NEK5: variants seen among roughly 807,000 people sequenced by gnomAD.
NEK5 encodes NIMA related kinase 5.
A neutral mutation model predicts 109.2 loss-of-function variants in NEK5; 88 were observed. The ratio of observed to expected loss-of-function variants is 0.81; its 90% CI spans 0.68 to 0.96. The LOEUF is 0.96. NEK5 is among the 40% of genes least tolerant of loss of function. The pLI, the probability that NEK5 is intolerant of heterozygous loss-of-function variation, is 0.00. For synonymous variants in NEK5, 283 were observed against 299.9 expected (o/e 0.94, Z 0.58); for missense variants, 834 against 920.7 (o/e 0.91, Z 1.22).
At chr13:52,062,834 G>T (rs547676331) in intron 21 of NEK5, among the ~76,000 whole-genome samples, 1 of 151,964 alleles carries the variant, frequency 6.6e-6, no homozygotes, top group African/African-American at 2.4e-5. Flanking sequence ...TAGCACATTG[G>T]CTTCAAAGCA....
intron 21 of NEK5, among the ~76,000 whole-genome samples, chr13:52,063,062 G>T (rs371534975): frequency 6.7e-6 from 1 of 148,484 alleles, no homozygotes; most frequent in Admixed American, 6.7e-5. Context: ...CTCTCCCCAC[G>T]GTCCCCCTCT....
At chr13:52,065,862 C>G (rs985170729) in intron 20 of NEK5, among the ~76,000 whole-genome samples, 5 of 152,230 alleles carry the variant, frequency 3.3e-5, no homozygotes, top group African/African-American at 1.2e-4. Flanking sequence ...CACAAATGGA[C>G]TTCCTTGAGG....
chr13:52,080,914 G>A (rs1483622218), intron 17 of NEK5, among the ~76,000 whole-genome samples: 3 of 145,964 alleles, frequency 2.1e-5, no homozygotes, highest in Admixed American at 2.1e-4. Context: ...AAATGGTTAG[G>A]GTGGTAAAGG....
In NEK5 at chr13:52,101,956, C is replaced by T. The variant is rs556430126; in HGVS notation, c.869G>A (p.Arg290Gln). 1.2e-5 allele frequency: 19 copies of T among 1,614,018 alleles called. No homozygotes were observed. The African/African-American group carries it at 1.2e-4, about 10-fold the overall frequency. ...LICRAGAPAS[R>Q]HAGKVVQKCK... ...ACTCTGGACCACCTTCCCAGCATGTCGAGAAGCTGGCGCTCCTGCTCTGCA... is the reference window on the plus strand; with the variant it reads ...ACTCTGGACCACCTTCCCAGCATGTTGAGAAGCTGGCGCTCCTGCTCTGCA... The change falls in exon 11 of 24, where the codon CGA (arginine) becomes CAA (glutamine). Residue 290 changes from arginine (R) to glutamine (Q), a missense_variant. Arg to Gln is a conservative substitution (Grantham distance 43). Coordinates refer to ENST00000684899, the MANE Select transcript of NEK5 (RefSeq NM_001365552.1).
At chr13:52,114,440 C>T (rs979399973) in intron 4 of NEK5, among the ~76,000 whole-genome samples, 5 of 152,232 alleles carry the variant, frequency 3.3e-5, no homozygotes, top group Admixed American at 1.3e-4. Context: ...CCCTTGGTTG[C>T]TTCTAATTCA....
intron 21 of NEK5, chr13:52,065,250 T>C: frequency 1.7e-6 from 1 of 586,786 alleles, no homozygotes; most frequent in South Asian, 2.3e-5. Flanking sequence ...GAAGGTGGCA[T>C]CCTGGATTTT....
chr13:52,094,830 T>C (rs183635474), intron 12 of NEK5, among the ~76,000 whole-genome samples: 3 of 152,376 alleles, frequency 2.0e-5, no homozygotes, highest in African/African-American at 7.2e-5. Flanking sequence ...GGCACTTTCA[T>C]ATAGTTCTAT....
At chr13:52,068,222 T>A (rs901567491) in intron 20 of NEK5, among the ~76,000 whole-genome samples, 1 of 152,152 alleles carries the variant, frequency 6.6e-6, no homozygotes. Context: ...AAATTTTCGG[T>A]CCAAACTCAC....
intron 17 of NEK5, among the ~76,000 whole-genome samples, chr13:52,081,584 CCTT>C (rs1271924774): frequency 9.2e-5 from 14 of 152,088 alleles, no homozygotes; most frequent in East Asian, 1.9e-4. Context: ...AGTTCTGTAA[CCTT>C]CTTATAAAAA....
chr13:52,086,594 T>C (rs1395953968), intron 15 of NEK5, among the ~76,000 whole-genome samples: 1 of 152,240 alleles, frequency 6.6e-6, no homozygotes, highest in Non-Finnish European at 1.5e-5. Context: ...AATGTGTTCA[T>C]GATGTACACT....
chr13:52,068,389 A>G (rs528809416), intron 20 of NEK5, among the ~76,000 whole-genome samples: 1 of 152,224 alleles, frequency 6.6e-6, no homozygotes, highest in African/African-American at 2.4e-5. Flanking sequence ...TAAATACCTC[A>G]GTAAGGTTTT....
Position 52,110,517 on chromosome 13 carries a change from A to G in NEK5, c.373T>C (p.Leu125=), listed in dbSNP as rs1566815415. The stretch of plus-strand genomic sequence containing the variant: ...ACCTGAGCTTTTATGTCCCTGTGTA[A>G]TATCTTCCTGTCATGAATATGTTTT... The part of the protein sequence containing the change: ...GLKHIHDRKI[L]HRDIKAQNIF... Residue 125 remains leucine (L), a synonymous_variant, in exon 6 of 24, where the codon TTA becomes CTA. Coordinates refer to ENST00000684899, the MANE Select transcript of NEK5 (RefSeq NM_001365552.1). 1 of 1,612,458 alleles carries G rather than the reference A, an allele frequency of 6.2e-7. No individual in the cohort carries two copies. The highest frequency in any genetic ancestry group is 8.5e-7 in the Non-Finnish European group (1 of 1,178,798).
At chr13:52,096,438 G>A (rs114311108) in intron 12 of NEK5, among the ~76,000 whole-genome samples, 2,559 of 152,242 alleles carry the variant, frequency 0.017, 57 homozygotes, top group African/African-American at 0.058. Flanking sequence ...GGCTAAGGAG[G>A]TCTCAGATGG....
intron 11 of NEK5, among the ~76,000 whole-genome samples, chr13:52,100,212 T>C (rs1593978138): frequency 1.3e-5 from 2 of 152,290 alleles, no homozygotes; most frequent in East Asian, 3.9e-4. Context: ...GAGCTTGGGT[T>C]ATCAGGCCAC....
intron 23 of NEK5, among the ~76,000 whole-genome samples, chr13:52,048,433 CA>C (rs1198293854): frequency 2.6e-5 from 4 of 151,652 alleles, no homozygotes; most frequent in Non-Finnish European, 5.9e-5. Flanking sequence ...AATTAAAATA[CA>C]AAAAAATCCC....
intron 23 of NEK5, among the ~76,000 whole-genome samples, chr13:52,046,232 C>T (rs1299741149): frequency 6.6e-6 from 1 of 151,056 alleles, no homozygotes; most frequent in Non-Finnish European, 1.5e-5. Context: ...ATCTTAACCC[C>T]TTGGGGGGCC....
Position 52,033,752 on chromosome 13 carries a change from A to G in NEK5, c.*3196T>C, listed in dbSNP as rs534499263. ...TTAAGAGACACCAGTGTGGTTATCA[A>G]TGCTTTCAGAATACTTGTGTTTATG... On this transcript the variant is annotated 3_prime_UTR_variant, in exon 24 of 24. Coordinates refer to ENST00000684899, the MANE Select transcript of NEK5 (RefSeq NM_001365552.1). The G allele has an allele frequency of 3.6e-4, 55 of 152,636 alleles. No individual in the cohort carries two copies. The highest frequency in any genetic ancestry group is 1.2e-3 in the African/African-American group (48 of 41,574). 9.5% of individuals were successfully genotyped at this position (152,636 alleles called of 1,614,324 possible). A position where few individuals can be genotyped will look rare whatever the true frequency, so the allele number is the denominator to read the frequency against.
intron 3 of NEK5, among the ~76,000 whole-genome samples, chr13:52,125,121 T>G (rs1956039698): frequency 6.6e-6 from 1 of 152,178 alleles, no homozygotes; most frequent in Admixed American, 6.5e-5. Flanking sequence ...TTAATACTTG[T>G]TTTTGGGTAC....
At chr13:52,125,065 A>C (rs1303245261) in intron 3 of NEK5, among the ~76,000 whole-genome samples, 2 of 152,368 alleles carry the variant, frequency 1.3e-5, no homozygotes, top group East Asian at 1.9e-4. Flanking sequence ...ACAGCGCAGC[A>C]CATAGGAGGT....
Sources: allele counts gnomAD v4.1 joint callset (sites outside exome capture counted in the v4.1 genomes callset), GRCh38; gene constraint gnomAD v4.1.1; transcripts MANE v1.5; gene names NCBI Gene and HGNC (gene_info 2026-07-23, HGNC 2026-07-21).